MMRN1: variants seen among roughly 807,000 people sequenced by gnomAD.
MMRN1 encodes the protein multimerin 1.
A neutral mutation model predicts 100.7 loss-of-function variants in MMRN1; 94 were observed. The observed-to-expected ratio is 0.93, with a 90% CI of 0.79 to 1.11. The LOEUF (loss-of-function observed/expected upper bound fraction) is 1.11, where lower values mean the gene tolerates loss of function less well. Ranked by LOEUF, MMRN1 falls within the 50% of genes least tolerant of loss-of-function variation. The pLI is 0.00. For missense variants in MMRN1, 1,606 were observed against 1,439.1 expected, an observed-to-expected ratio of 1.12 and a Z score of -1.88; for synonymous variants, 575 against 505.0, an observed-to-expected ratio of 1.14 and a Z score of -1.86.
intron 1 of MMRN1, among the ~76,000 whole-genome samples, chr4:89,880,700 C>A (rs965090267): frequency 2.0e-5 from 3 of 152,068 alleles, no homozygotes; most frequent in African/African-American, 7.2e-5. Flanking sequence ...AACATCTCTC[C>A]TTTTTACCAA....
rs1214631644 is a variant in MMRN1, at chr4:89,953,238, G to A, written c.3507G>A (p.Lys1169=). 1.2e-6 allele frequency: 2 copies of A among 1,613,850 alleles called. No individual in the cohort carries two copies. Among genetic ancestry groups the A allele is most frequent in the African/African-American group, 1.3e-5 (1 of 75,028 alleles). The change falls in exon 8 of 8, where the codon AAG becomes AAA. Residue 1169 remains lysine, a synonymous_variant. Coordinates refer to ENST00000264790, the MANE Select transcript of MMRN1 (RefSeq NM_007351.3). ...SGFLVVDGID[K]LAFESENINS... ...TTTTAGTGGTTGATGGAATAGACAA[G>A]CTTGCATTTGAGTCTGAAAATATTA...
chr4:89,948,416 C>T (rs574966282), intron 6 of MMRN1, among the ~76,000 whole-genome samples: 2 of 152,118 alleles, frequency 1.3e-5, no homozygotes, highest in African/African-American at 4.8e-5. Context: ...GAGATGGTAA[C>T]TCATGTCTAA....
chr4:89,921,135 G>T (rs1722074419), intron 3 of MMRN1, among the ~76,000 whole-genome samples: 1 of 151,486 alleles, frequency 6.6e-6, no homozygotes, highest in Non-Finnish European at 1.5e-5. Context: ...CTGAGTTATG[G>T]TACTACCTTC....
chr4:89,885,423 T>A (rs1246537073), intron 1 of MMRN1, among the ~76,000 whole-genome samples: 1 of 152,100 alleles, frequency 6.6e-6, no homozygotes, highest in African/African-American at 2.4e-5. Context: ...GTATTAGGTT[T>A]TTGTGGCCTT....
chr4:89,890,313 T>A (rs1023472511), upstream of MMRN1, among the ~76,000 whole-genome samples: 1 of 151,718 alleles, frequency 6.6e-6, no homozygotes, highest in Non-Finnish European at 1.5e-5. Flanking sequence ...CTTTCCAGGC[T>A]GACAATTCTC....
At position 89,898,838 on chromosome 4, in the gene MMRN1, C is replaced by G. The variant is rs530752395; in HGVS notation, c.623+3244C>G. Among the ~76,000 whole-genome samples, 8 of 152,180 alleles carry G rather than the reference C, an allele frequency of 5.3e-5. No homozygotes were observed. The East Asian group carries it at 1.5e-3, about 29-fold the overall frequency. On this transcript the variant is annotated intron_variant, in intron 1 of 7. Coordinates refer to ENST00000264790, the MANE Select transcript of MMRN1 (RefSeq NM_007351.3). ...CTCCTACAGGTCTCTTTGAATTCCCCTGTTCACTGCACTTACGACACTACA... is the reference window on the plus strand; with the variant it reads ...CTCCTACAGGTCTCTTTGAATTCCCGTGTTCACTGCACTTACGACACTACA...
At chr4:89,902,227 G>A (rs1308764128) in intron 1 of MMRN1, 3 of 151,696 alleles carry the variant, frequency 2.0e-5, no homozygotes, top group Non-Finnish European at 2.9e-5. Context: ...TCTAATGCTA[G>A]ATGACAAGTT....
chr4:89,933,976 G>C (rs920652533), intron 5 of MMRN1, among the ~76,000 whole-genome samples: 1 of 151,660 alleles, frequency 6.6e-6, no homozygotes, highest in African/African-American at 2.4e-5. Flanking sequence ...ATTCTAAATA[G>C]TTATGAATAT....
intron 1 of MMRN1, among the ~76,000 whole-genome samples, chr4:89,898,027 G>A (rs1721265027): frequency 6.6e-6 from 1 of 152,084 alleles, no homozygotes; most frequent in African/African-American, 2.4e-5. Context: ...GAGAGCCTGA[G>A]GTTTTCTTTT....
In MMRN1 at chr4:89,895,225, C is replaced by A. The variant is rs201777524; in HGVS notation, c.254C>A (p.Pro85His). 10 of 1,613,782 alleles carry A rather than the reference C, an allele frequency of 6.2e-6. No individual in the cohort carries two copies. The highest frequency in any genetic ancestry group is 4.4e-5 in the South Asian group (4 of 91,068). The change falls in exon 1 of 8, where the codon CCC becomes CAC. Residue 85 changes from proline (P) to histidine (H), a missense_variant. Physicochemically the swap from Pro to His is moderately conservative, Grantham distance 77 (BLOSUM62 -2). Transcript: ENST00000264790. Reference protein sequence around the residue: ...EDSLLKSTLPPSETSAPAEGV... With the variant: ...EDSLLKSTLPHSETSAPAEGV... ...AGTCTTCTTAAATCAACACTGCCTC[C>A]CTCAGAAACAAGTGCACCTGCTGAG...
rs1379524755 is a variant in MMRN1, at chr4:89,927,558, G to A, written c.956-237G>A. ...CAAATATAAGGTCATATCATCTGCAGAGAAGGATAATTTGACCCCTTCCTT... is the reference window on the plus strand; with the variant it reads ...CAAATATAAGGTCATATCATCTGCAAAGAAGGATAATTTGACCCCTTCCTT... On this transcript the variant is annotated intron_variant, in intron 4 of 7. Coordinates refer to ENST00000264790, the MANE Select transcript of MMRN1 (RefSeq NM_007351.3). Among the ~76,000 whole-genome samples, 6 of 152,034 alleles carry A rather than the reference G, an allele frequency of 3.9e-5. No individual in the cohort carries two copies. The East Asian group carries it at 9.6e-4, about 24-fold the overall frequency.
chr4:89,930,610 T>C (rs1722405324), intron 5 of MMRN1, among the ~76,000 whole-genome samples: 1 of 152,070 alleles, frequency 6.6e-6, no homozygotes, highest in African/African-American at 2.4e-5. Flanking sequence ...AATATTTTAT[T>C]ATATTTCATC....
At chr4:89,912,116 T>C (rs938065069) in intron 3 of MMRN1, 66 bp downstream of exon 3, 1 of 1,156,884 alleles carries the variant, frequency 8.6e-7, no homozygotes, top group Non-Finnish European at 1.2e-6. Flanking sequence ...AAGAAAAGAA[T>C]AGCATTTCCC....
Position 89,912,072 on chromosome 4 carries a change from C to T in MMRN1, c.850+22C>T, listed in dbSNP as rs1721771791. ...AGAGGTACACTCTAATATTAATAAT[C>T]ACAATTCTGAACAATAAGAAACTGA... On this transcript the variant is annotated intron_variant, in intron 3 of 7. Transcript: ENST00000264790. 3 of 1,460,258 alleles carry T rather than the reference C, an allele frequency of 2.1e-6. 1 individual carries two copies. The highest frequency in any genetic ancestry group is 2.8e-6 in the Non-Finnish European group (3 of 1,064,100). 90.5% of individuals were successfully genotyped at this position (1,460,258 alleles called of 1,614,324 possible).
chr4:89,891,999 T>C (rs1721065945), upstream of MMRN1, among the ~76,000 whole-genome samples: 1 of 152,064 alleles, frequency 6.6e-6, no homozygotes, highest in African/African-American at 2.4e-5. Context: ...TTAACTCACA[T>C]TTATATTTTC....
intron 1 of MMRN1, among the ~76,000 whole-genome samples, chr4:89,905,662 T>C (rs1721544068): frequency 6.6e-6 from 1 of 151,526 alleles, no homozygotes; most frequent in African/African-American, 2.4e-5. Context: ...TATTTTGTTT[T>C]CCTCTTGTTC....
At position 89,935,878 on chromosome 4, in the gene MMRN1, C is replaced by G; in HGVS notation, c.2198C>G (p.Thr733Ser). ...GAAGATGGCCTCAATAAGACAATGA[C>G]TATTATAAATAATGCTATTGATTTC... ...EMEDGLNKTM[T>S]IINNAIDFIQ... Residue 733 changes from threonine to serine, a missense_variant, in exon 6 of 8, where the codon ACT becomes AGT. Thr to Ser is a moderately conservative substitution (Grantham distance 58). Transcript: ENST00000264790. 1 of 1,610,378 alleles carries G rather than the reference C, an allele frequency of 6.2e-7. No individual in the cohort carries two copies. The highest frequency in any genetic ancestry group is 1.7e-5 in the Admixed American group (1 of 59,626).
rs1722616602 is a variant in MMRN1 at position 89,935,968 on chromosome 4, A to T, written c.2288A>T (p.His763Leu). 6.2e-7 allele frequency: 1 copy of T among 1,612,556 alleles called. No homozygotes were observed. The highest frequency in any genetic ancestry group is 1.1e-5 in the South Asian group (1 of 90,974). The change falls in exon 6 of 8, where the codon CAT becomes CTT. Residue 763 changes from histidine (H) to leucine (L), a missense_variant. Transcript: ENST00000264790. ...ATTAAGGATAATAGTGAGATCCATCATAAATGTACCTCCGATATGGAAACT... is the reference window on the plus strand; with the variant it reads ...ATTAAGGATAATAGTGAGATCCATCTTAAATGTACCTCCGATATGGAAACT... ...STIKDNSEIH[H>L]KCTSDMETIL...
chr4:89,891,865 T>A (rs115032888), upstream of MMRN1, among the ~76,000 whole-genome samples: 3,468 of 152,096 alleles, frequency 0.023, 52 homozygotes, highest in Middle Eastern at 0.065. Context: ...AAAAATCCTA[T>A]TAATCTGGTG....
Sources: gnomAD v4.1 joint callset for allele counts (sites outside exome capture counted in the v4.1 genomes callset) on GRCh38, gnomAD v4.1.1 for gene constraint, MANE v1.5 for transcripts, NCBI Gene and HGNC (gene_info 2026-07-23, HGNC 2026-07-21) for gene names.